Variants in SLC35F4 observed in about 807,000 individuals in gnomAD.
SLC35F4 encodes the protein solute carrier family 35 member F4.
Under a neutral mutation model 44.2 loss-of-function variants are expected in SLC35F4, and 24 were observed. The observed-to-expected ratio is 0.54, with a 90% CI of 0.39 to 0.76. The LOEUF (loss-of-function observed/expected upper bound fraction) is 0.76. Ranked by LOEUF, SLC35F4 falls within the 30% of genes least tolerant of loss-of-function variation. The probability of loss-of-function intolerance (pLI) is 0.00; values close to 1 mark genes in which losing one functional copy is unlikely to be tolerated. For synonymous variants in SLC35F4, 238 were observed against 223.6 expected, an observed-to-expected ratio of 1.06 and a Z score of -0.57; for missense variants, 562 against 586.1, an observed-to-expected ratio of 0.96 and a Z score of 0.42.
At chr14:57,921,776 A>G (rs958317352) in intron 1 of SLC35F4, among the ~76,000 whole-genome samples, 1 of 152,052 alleles carries the variant, frequency 6.6e-6, no homozygotes, top group African/African-American at 2.4e-5. Flanking sequence ...GCCCACTACT[A>G]TTTTAGTATG....
intron 1 of SLC35F4, among the ~76,000 whole-genome samples, chr14:57,717,012 T>TC (rs999525284): frequency 6.6e-6 from 1 of 152,210 alleles, no homozygotes; most frequent in African/African-American, 2.4e-5. Flanking sequence ...CAACACAGTG[T>TC]CCTACAGGCT....
chr14:57,713,937 G>A (rs1284481524), intron 1 of SLC35F4, among the ~76,000 whole-genome samples: 1 of 152,022 alleles, frequency 6.6e-6, no homozygotes, highest in Admixed American at 6.6e-5. Flanking sequence ...GCTTCTTTCT[G>A]CTCAAAATAC....
intron 1 of SLC35F4, among the ~76,000 whole-genome samples, chr14:57,879,523 G>A (rs1288683402): frequency 1.3e-5 from 2 of 152,080 alleles, no homozygotes; most frequent in Admixed American, 6.6e-5. Context: ...ATACGCTTCA[G>A]CCAAGCTGAC....
chr14:57,862,754 C>G (rs1453313312), intron 1 of SLC35F4, among the ~76,000 whole-genome samples: 3 of 152,200 alleles, frequency 2.0e-5, no homozygotes, highest in Non-Finnish European at 4.4e-5. Context: ...GTGATAATTT[C>G]TACCCCCAGA....
intron 1 of SLC35F4, among the ~76,000 whole-genome samples, chr14:57,886,802 GT>G (rs1179533293): frequency 6.6e-6 from 1 of 152,082 alleles, no homozygotes; most frequent in Non-Finnish European, 1.5e-5. Context: ...AGGGAAAGGA[GT>G]TGTGTAAAGC....
chr14:57,942,235 G>C (rs758924340), intron 1 of SLC35F4, among the ~76,000 whole-genome samples: 4 of 152,038 alleles, frequency 2.6e-5, no homozygotes, highest in African/African-American at 7.3e-5. Context: ...TAAAATACAG[G>C]GTTGTAACTT....
At chr14:57,723,342 G>T (rs1226216994) in intron 1 of SLC35F4, among the ~76,000 whole-genome samples, 2 of 152,180 alleles carry the variant, frequency 1.3e-5, no homozygotes, top group South Asian at 2.1e-4. Context: ...CCTCTACCTA[G>T]AAAAATAGTA....
chr14:57,782,451 C>A (rs1370597658), intron 1 of SLC35F4, among the ~76,000 whole-genome samples: 1 of 151,812 alleles, frequency 6.6e-6, no homozygotes, highest in Non-Finnish European at 1.5e-5. Flanking sequence ...GGACATTTAA[C>A]ACCATAAAAC....
chr14:57,666,075 G>C (rs190884919), intron 1 of SLC35F4, among the ~76,000 whole-genome samples: 22 of 152,304 alleles, frequency 1.4e-4, no homozygotes, highest in Middle Eastern at 6.8e-3. Context: ...TGTGACACAA[G>C]TTGACCTATT....
Position 57,686,570 on chromosome 14 carries a change from C to A in SLC35F4, c.104-92446G>T, listed in dbSNP as rs1411466023. Among the ~76,000 whole-genome samples the A allele has an allele frequency of 2.0e-5, 3 of 152,186 alleles. No individual in the cohort carries two copies. The South Asian group carries it at 6.2e-4, about 31-fold the overall frequency. On this transcript the variant is annotated intron_variant, in intron 1 of 7. Coordinates refer to ENST00000556826, the MANE Select transcript of SLC35F4 (RefSeq NM_001306087.2). ...CTTTTTTTCTGAATTGCTTTTGGCA[C>A]AGACTGCAGGCGGGCAAGCATGCAG...
chr14:57,777,958 T>A (rs1404343511), intron 1 of SLC35F4, among the ~76,000 whole-genome samples: 1 of 152,126 alleles, frequency 6.6e-6, no homozygotes, highest in African/African-American at 2.4e-5. Context: ...GTGACATGGT[T>A]TGGCTGTGTC....
intron 1 of SLC35F4, among the ~76,000 whole-genome samples, chr14:57,956,805 G>A (rs1038637008): frequency 6.6e-6 from 1 of 152,186 alleles, no homozygotes; most frequent in African/African-American, 2.4e-5. Flanking sequence ...ATGCTGGAGA[G>A]GATGTGGAGA....
At chr14:57,830,552 T>C (rs554269428) in intron 1 of SLC35F4, among the ~76,000 whole-genome samples, 2 of 152,290 alleles carry the variant, frequency 1.3e-5, no homozygotes, top group East Asian at 3.9e-4. Flanking sequence ...ATGAGAAAGA[T>C]TGAAAATTTA....
In SLC35F4 at chr14:57,711,008, G is replaced by T. The variant is rs139193054; in HGVS notation, c.104-116884C>A. On this transcript the variant is annotated intron_variant, in intron 1 of 7. Coordinates refer to ENST00000556826, the MANE Select transcript of SLC35F4 (RefSeq NM_001306087.2). ...TTTGAAATGTGAGGATATGAGATTT[G>T]GGAGGGGCTAGAGTGGAATTATATG... is the stretch of plus-strand genomic sequence containing the variant. 1.4e-3 allele frequency among the ~76,000 whole-genome samples: 212 copies of T among 152,110 alleles called. 1 individual carries two copies. The highest frequency in any genetic ancestry group is 2.6e-3 in the Non-Finnish European group (176 of 67,986).
chr14:57,977,406 G>C (rs990837197), intron 1 of SLC35F4, among the ~76,000 whole-genome samples: 5 of 152,096 alleles, frequency 3.3e-5, no homozygotes, highest in Non-Finnish European at 7.4e-5. Flanking sequence ...GGAGAATCTA[G>C]GGTTCTGGAG....
At chr14:57,678,971 AC>A (rs2074799209) in intron 1 of SLC35F4, among the ~76,000 whole-genome samples, 1 of 152,082 alleles carries the variant, frequency 6.6e-6, no homozygotes, top group African/African-American at 2.4e-5. Context: ...GATCAATGAG[AC>A]AGAAAATTAA....
intron 1 of SLC35F4, among the ~76,000 whole-genome samples, chr14:57,874,566 G>A (rs1272701985): frequency 1.3e-5 from 2 of 152,156 alleles, no homozygotes; most frequent in Non-Finnish European, 2.9e-5. Flanking sequence ...AGGCTAGAGG[G>A]CTAAACAGAT....
At chr14:57,684,120 G>A (rs1211372562) in intron 1 of SLC35F4, among the ~76,000 whole-genome samples, 1 of 152,022 alleles carries the variant, frequency 6.6e-6, no homozygotes, top group African/African-American at 2.4e-5. Flanking sequence ...GCCTTCTAGG[G>A]GAGCCATGAG....
intron 1 of SLC35F4, among the ~76,000 whole-genome samples, chr14:57,681,668 T>C (rs2074907685): frequency 6.6e-6 from 1 of 151,970 alleles, no homozygotes; most frequent in Non-Finnish European, 1.5e-5. Flanking sequence ...CTGATTAAAC[T>C]AAAGAGTTTC....
Sources: allele counts gnomAD v4.1 joint callset (sites outside exome capture counted in the v4.1 genomes callset), GRCh38; gene constraint gnomAD v4.1.1; transcripts MANE v1.5; gene names NCBI Gene and HGNC (gene_info 2026-07-23, HGNC 2026-07-21).